SNTG2: variants seen among roughly 807,000 people sequenced by gnomAD.
SNTG2 encodes the protein syntrophin gamma 2.
Under a neutral mutation model 70.9 loss-of-function variants are expected in SNTG2, and 74 were observed. That is an observed-to-expected ratio of 1.04 (90% confidence interval 0.86 to 1.27). The LOEUF (loss-of-function observed/expected upper bound fraction) is 1.27. Ranked by LOEUF, SNTG2 falls within the 50% of genes most tolerant of loss-of-function variation. The pLI is 0.00. For synonymous variants in SNTG2, 278 were observed against 273.8 expected (o/e 1.02, Z -0.15); for missense variants, 717 against 690.7 (o/e 1.04, Z -0.43).
intron 1 of SNTG2, among the ~76,000 whole-genome samples, chr2:978,778 C>T (rs941744786): frequency 1.8e-4 from 28 of 152,294 alleles, no homozygotes; most frequent in African/African-American, 5.8e-4. Flanking sequence ...AGGTAAGTCT[C>T]GCAATGAGAA....
intron 13 of SNTG2, 66 bp from the exon 14 acceptor site, chr2:1,267,299 C>G (rs1678792755): frequency 2.1e-6 from 3 of 1,447,140 alleles, no homozygotes; most frequent in Non-Finnish European, 2.8e-6. Flanking sequence ...CTCCCCACAC[C>G]AGGGCCCTCA....
At chr2:1,249,026 A>G (rs1054183185) in intron 12 of SNTG2, among the ~76,000 whole-genome samples, 26 of 152,316 alleles carry the variant, frequency 1.7e-4, no homozygotes, top group African/African-American at 4.8e-4. Flanking sequence ...AACTCATCTC[A>G]GCAAGGCCCG....
chr2:1,215,524 C>T lies in SNTG2; in HGVS notation c.719+6294C>T, dbSNP rs557003588. Among the ~76,000 whole-genome samples the T allele has an allele frequency of 4.6e-5, 7 of 150,738 alleles. No individual in the cohort carries two copies. The East Asian group carries it at 5.9e-4, about 13-fold the overall frequency. On this transcript the variant is annotated intron_variant, in intron 9 of 16. Coordinates refer to ENST00000308624, the MANE Select transcript of SNTG2 (RefSeq NM_018968.4). ...GAATTTTTTTTAACATTTTTAAAAG[C>T]GTGTTTTACACTAATTCTTTTTTTT...
At chr2:1,134,342 T>G (rs4971472) in intron 4 of SNTG2, among the ~76,000 whole-genome samples, 150,169 of 152,152 alleles carry the variant, frequency 0.99, 74,140 homozygotes, top group East Asian at 1. Flanking sequence ...CCATTTTACA[T>G]AGAGCCGAGT....
chr2:1,227,851 A>G (rs1675896663), intron 9 of SNTG2, among the ~76,000 whole-genome samples: 1 of 152,186 alleles, frequency 6.6e-6, no homozygotes, highest in African/African-American at 2.4e-5. Context: ...TGCTGGGTGT[A>G]AGCGAGGGCA....
chr2:1,017,684 T>C (rs1345505523), intron 1 of SNTG2, among the ~76,000 whole-genome samples: 1 of 152,246 alleles, frequency 6.6e-6, no homozygotes, highest in Non-Finnish European at 1.5e-5. Flanking sequence ...AGCTCACGTA[T>C]ACATAAATTT....
chr2:967,126 G>A (rs145908997), intron 1 of SNTG2, among the ~76,000 whole-genome samples: 14 of 152,202 alleles, frequency 9.2e-5, no homozygotes, highest in African/African-American at 2.4e-4. Context: ...GAAAATATGC[G>A]CCCTGTTCAG....
At chr2:1,033,970 TTCTC>T (rs1438809123) in intron 1 of SNTG2, among the ~76,000 whole-genome samples, 1 of 152,240 alleles carries the variant, frequency 6.6e-6, no homozygotes, top group African/African-American at 2.4e-5. Context: ...TGTTTTTTAT[TTCTC>T]TTTCTTTTTA....
At chr2:1,178,497 G>A (rs1011759264) in intron 8 of SNTG2, among the ~76,000 whole-genome samples, 1 of 152,102 alleles carries the variant, frequency 6.6e-6, no homozygotes, top group Non-Finnish European at 1.5e-5. Flanking sequence ...AATTTATTGA[G>A]AGTTTTTAGC....
At chr2:1,287,035 T>G (rs1389213100) in intron 14 of SNTG2, among the ~76,000 whole-genome samples, 1 of 152,076 alleles carries the variant, frequency 6.6e-6, no homozygotes, top group Non-Finnish European at 1.5e-5. Flanking sequence ...GACACACAGC[T>G]CAGAGACAAA....
intron 1 of SNTG2, among the ~76,000 whole-genome samples, chr2:1,077,599 G>T (rs1022976476): frequency 6.6e-6 from 1 of 152,108 alleles, no homozygotes; most frequent in South Asian, 2.1e-4. Flanking sequence ...TTACAGAAAG[G>T]TTTTTTATTT....
intron 1 of SNTG2, among the ~76,000 whole-genome samples, chr2:1,034,053 C>CCG (rs35694048): frequency 1.3e-5 from 2 of 151,892 alleles, no homozygotes; most frequent in African/African-American, 4.8e-5. Flanking sequence ...ATTCATGTCA[C>CCG]GGGTTTGTTG....
chr2:1,052,042 A>G (rs1662106779), intron 1 of SNTG2, among the ~76,000 whole-genome samples: 1 of 149,646 alleles, frequency 6.7e-6, no homozygotes, highest in Admixed American at 6.6e-5. Context: ...ATAATATTTT[A>G]TTTAGGATTT....
chr2:966,831 C>CA (rs1401926065), intron 1 of SNTG2, among the ~76,000 whole-genome samples: 1 of 152,036 alleles, frequency 6.6e-6, no homozygotes, highest in Non-Finnish European at 1.5e-5. Context: ...CCTGTAATCT[C>CA]AGCTACTCAG....
At chr2:1,137,157 A>G (rs1668440203) in intron 4 of SNTG2, among the ~76,000 whole-genome samples, 1 of 152,188 alleles carries the variant, frequency 6.6e-6, no homozygotes, top group Non-Finnish European at 1.5e-5. Context: ...GTGGCCGCCT[A>G]TTGCTATGTG....
chr2:1,004,148 T>G (rs1659494496), intron 1 of SNTG2, among the ~76,000 whole-genome samples: 1 of 152,230 alleles, frequency 6.6e-6, no homozygotes, highest in African/African-American at 2.4e-5. Flanking sequence ...TGTTTTATTC[T>G]TAATGATAGT....
chr2:1,277,235 T>A (rs371942900), intron 14 of SNTG2, among the ~76,000 whole-genome samples: 1 of 152,232 alleles, frequency 6.6e-6, no homozygotes, highest in Non-Finnish European at 1.5e-5. Context: ...TCAAACAGCA[T>A]CACATGCTAC....
chr2:1,249,044 A>G (rs1677606085), intron 12 of SNTG2, among the ~76,000 whole-genome samples: 1 of 152,148 alleles, frequency 6.6e-6, no homozygotes, highest in Non-Finnish European at 1.5e-5. Context: ...CCGGCTGGTA[A>G]ACTGATTGCA....
chr2:1,182,708 C>G, intron 8 of SNTG2, among the ~76,000 whole-genome samples: 1 of 152,126 alleles, frequency 6.6e-6, no homozygotes. Context: ...TAGCATGTCT[C>G]TAGAATCTGG....
Sources: gnomAD v4.1 joint callset for allele counts (sites outside exome capture counted in the v4.1 genomes callset) on GRCh38, gnomAD v4.1.1 for gene constraint, MANE v1.5 for transcripts, NCBI Gene and HGNC (gene_info 2026-07-23, HGNC 2026-07-21) for gene names.